DMD: variants seen among roughly 807,000 people sequenced by gnomAD.
DMD encodes the protein mutant dystrophin.
In DMD, 63 loss-of-function variants were observed where a neutral mutation model predicts 330.1. The ratio of observed to expected loss-of-function variants is 0.19; its 90% CI spans 0.16 to 0.24. The LOEUF is 0.24. Ranked by LOEUF, DMD falls within the 10% of genes least tolerant of loss-of-function variation. The pLI is 1.00. For synonymous variants in DMD, 1,223 were observed against 959.8 expected (o/e 1.27, Z -5.07); for missense variants, 3,344 against 2,684.1 (o/e 1.25, Z -5.43).
intron 44 of DMD, among the ~76,000 whole-genome samples, chrX:31,993,807 A>G (rs2095566140): frequency 8.9e-6 from 1 of 112,259 alleles, no homozygotes; most frequent in African/African-American, 3.2e-5. Context: ...ACTGGCTGAA[A>G]GAGTGAACTG....
At chrX:31,314,779 A>AGAGAGAGAGAGAGAGAGAGAGAGAGT (rs1225831523) in intron 62 of DMD, among the ~76,000 whole-genome samples, 1,066 of 93,336 alleles carry the variant, frequency 0.011, 24 homozygotes, top group African/African-American at 0.043. Flanking sequence ...AGAGAGAGAG[A>AGAGAGAGAGAGAGAGAGAGAGAGAGT]GTGTTTTACC....
intron 60 of DMD, among the ~76,000 whole-genome samples, chrX:31,354,083 T>G (rs774049605): frequency 8.1e-5 from 9 of 111,631 alleles, no homozygotes; most frequent in African/African-American, 2.6e-4. Context: ...TGCCATCTGG[T>G]CCATGAGAAC....
intron 9 of DMD, among the ~76,000 whole-genome samples, chrX:32,656,363 A>C (rs2060571095): frequency 9.0e-6 from 1 of 111,598 alleles, no homozygotes; most frequent in Non-Finnish European, 1.9e-5. Flanking sequence ...GAATGAGCAG[A>C]GACTTCCTAC....
chrX:32,592,672 A>C (rs916425426), intron 13 of DMD, among the ~76,000 whole-genome samples: 2 of 112,292 alleles, frequency 1.8e-5, no homozygotes, highest in African/African-American at 6.5e-5. Flanking sequence ...GCTGTAACAC[A>C]AACAGGGCTG....
chrX:31,588,129 C>T (rs1205107111), intron 55 of DMD, among the ~76,000 whole-genome samples: 1 of 111,633 alleles, frequency 9.0e-6, no homozygotes, highest in Non-Finnish European at 1.9e-5. Flanking sequence ...TCATGCCCAG[C>T]GTTTACTCTG....
intron 60 of DMD, chrX:31,435,490 A>C (rs1432122582): frequency 1.8e-5 from 2 of 112,247 alleles, no homozygotes; most frequent in Non-Finnish European, 3.8e-5. Context: ...TATAGCATTT[A>C]TAAAAATAAA....
chrX:31,175,248 C>G (rs1238520110), intron 71 of DMD, among the ~76,000 whole-genome samples: 1 of 110,507 alleles, frequency 9.0e-6, no homozygotes, highest in African/African-American at 3.3e-5. Flanking sequence ...TAGTGTTTTC[C>G]CTTGTAATAG....
At chrX:32,054,220 T>G (rs1032868491) in intron 44 of DMD, among the ~76,000 whole-genome samples, 1 of 108,373 alleles carries the variant, frequency 9.2e-6, no homozygotes, top group Non-Finnish European at 1.9e-5. Flanking sequence ...TACTTTAAGT[T>G]TTAGGGTACA....
intron 30 of DMD, among the ~76,000 whole-genome samples, chrX:32,411,423 C>G: frequency 9.0e-6 from 1 of 111,262 alleles, no homozygotes; most frequent in Non-Finnish European, 1.9e-5. Context: ...GCCACCACAC[C>G]CGGCCAAAAA....
chrX:32,777,144 G>A (rs1207686998), intron 7 of DMD, among the ~76,000 whole-genome samples: 3 of 106,121 alleles, frequency 2.8e-5, no homozygotes, highest in Admixed American at 1.0e-4. Flanking sequence ...AATTAAAAAC[G>A]AGCACTGATA....
At chrX:32,818,760 G>A (rs113283587) in intron 5 of DMD, among the ~76,000 whole-genome samples, 374 of 110,230 alleles carry the variant, frequency 3.4e-3, no homozygotes, top group African/African-American at 0.012. Context: ...AGTTCTCTCA[G>A]GTACCACCTG....
intron 44 of DMD, among the ~76,000 whole-genome samples, chrX:32,180,522 T>C (rs1258218603): frequency 2.7e-5 from 3 of 111,606 alleles, no homozygotes; most frequent in Admixed American, 1.9e-4. Context: ...CCCTTCAGAA[T>C]GAGTTGGGAC....
intron 43 of DMD, among the ~76,000 whole-genome samples, chrX:32,217,781 AC>A (rs1386685291): frequency 8.9e-6 from 1 of 111,788 alleles, no homozygotes; most frequent in Non-Finnish European, 1.9e-5. Context: ...TACAAATAAA[AC>A]TTTAAAAATA....
At chrX:32,128,989 A>G (rs1406733851) in intron 44 of DMD, among the ~76,000 whole-genome samples, 4 of 111,420 alleles carry the variant, frequency 3.6e-5, no homozygotes, top group Non-Finnish European at 5.7e-5. Flanking sequence ...ACAATTAATC[A>G]TATCTAAGGC....
At chrX:32,544,706 ACAT>A (rs2048801964) in intron 17 of DMD, among the ~76,000 whole-genome samples, 1 of 110,848 alleles carries the variant, frequency 9.0e-6, no homozygotes. Flanking sequence ...GCAGACTGAG[ACAT>A]CATGTTCTCG....
intron 47 of DMD, among the ~76,000 whole-genome samples, chrX:31,922,367 G>A (rs1033933224): frequency 1.8e-5 from 2 of 111,133 alleles, no homozygotes; most frequent in Non-Finnish European, 3.8e-5. Context: ...TCATAAACAG[G>A]TGAAAGCGAG....
At chrX:32,951,344 C>T (rs1425879641) in intron 2 of DMD, among the ~76,000 whole-genome samples, 1 of 111,388 alleles carries the variant, frequency 9.0e-6, no homozygotes, top group Non-Finnish European at 1.9e-5. Flanking sequence ...CGAGCAAAAG[C>T]TTTTCTAGAC....
chrX:31,652,923 A>G (rs967949073), intron 54 of DMD, among the ~76,000 whole-genome samples: 2 of 111,254 alleles, frequency 1.8e-5, no homozygotes, highest in Admixed American at 9.6e-5. Flanking sequence ...ATATACTAAA[A>G]AAGTTCTCTT....
chrX:32,803,789 G>A (rs752463862), intron 7 of DMD, among the ~76,000 whole-genome samples: 12 of 112,020 alleles, frequency 1.1e-4, no homozygotes, highest in South Asian at 3.7e-4. Context: ...TCTTAATCCC[G>A]CATTCTAATT....
Sources: gnomAD v4.1 joint callset for allele counts (sites outside exome capture counted in the v4.1 genomes callset) on GRCh38, gnomAD v4.1.1 for gene constraint, MANE v1.5 for transcripts, NCBI Gene and HGNC (gene_info 2026-07-23, HGNC 2026-07-21) for gene names.